Variants in MARCHF8 observed in about 807,000 individuals in gnomAD.
MARCHF8 encodes membrane associated ring-CH-type finger 8.
In MARCHF8, 40 loss-of-function variants were observed where a neutral mutation model predicts 51.6. The observed-to-expected ratio is 0.77, with a 90% CI of 0.60 to 1.01. MARCHF8 has a LOEUF of 1.01. MARCHF8 is among the 50% of genes least tolerant of loss of function. The pLI is 0.00. For missense variants in MARCHF8, 685 were observed against 708.6 expected (o/e 0.97, Z 0.38); for synonymous variants, 263 against 280.3 (o/e 0.94, Z 0.62).
At chr10:45,472,537 G>T (rs1387134524) in intron 3 of MARCHF8, among the ~76,000 whole-genome samples, 1 of 152,152 alleles carries the variant, frequency 6.6e-6, no homozygotes, top group African/African-American at 2.4e-5. Flanking sequence ...TGCTATATTA[G>T]AACATCTTAA....
chr10:45,503,153 A>AGACT (rs2043311805), intron 2 of MARCHF8, among the ~76,000 whole-genome samples: 1 of 152,246 alleles, frequency 6.6e-6, no homozygotes, highest in Admixed American at 6.5e-5. Context: ...AGAGATAGTC[A>AGACT]AACTCCAAAT....
chr10:45,564,345 A>G (rs2044341887), intron 1 of MARCHF8, among the ~76,000 whole-genome samples: 2 of 151,142 alleles, frequency 1.3e-5, no homozygotes, highest in South Asian at 4.2e-4. Context: ...GAAAATTAAA[A>G]CAAAAAATGC....
intron 1 of MARCHF8, among the ~76,000 whole-genome samples, chr10:45,583,421 A>G (rs1287369404): frequency 6.6e-6 from 1 of 152,200 alleles, no homozygotes; most frequent in Middle Eastern, 3.2e-3. Flanking sequence ...GAGAATGATC[A>G]CTGTGACACC....
rs76095687 is a variant in MARCHF8 at position 45,534,579 on chromosome 10, G to A, written c.-79+632C>T. On this transcript the variant is annotated intron_variant, in intron 1 of 7. Coordinates refer to ENST00000453424, the MANE Select transcript of MARCHF8 (RefSeq NM_001282866.2). ...CAATTAAACGTAAATTATCCAGAAGGTTTAATGTAGTAAAATGTTTCATGT... is the reference window on the plus strand; with the variant it reads ...CAATTAAACGTAAATTATCCAGAAGATTTAATGTAGTAAAATGTTTCATGT... Among the ~76,000 whole-genome samples the A allele has an allele frequency of 3.8e-3, 576 of 152,252 alleles. 3 individuals carry two copies. The highest frequency in any genetic ancestry group is 0.013 in the African/African-American group (553 of 41,554).
chr10:45,566,747 T>C (rs908836451), intron 1 of MARCHF8, among the ~76,000 whole-genome samples: 106 of 146,672 alleles, frequency 7.2e-4, no homozygotes, highest in African/African-American at 2.4e-3. Flanking sequence ...TGCAGGTATC[T>C]CTTTGATATA....
intron 1 of MARCHF8, among the ~76,000 whole-genome samples, chr10:45,564,761 C>T (rs2044346349): frequency 6.7e-6 from 1 of 149,956 alleles, no homozygotes; most frequent in Admixed American, 6.6e-5. Context: ...ACAACGACGA[C>T]AATAACAGTA....
intron 2 of MARCHF8, among the ~76,000 whole-genome samples, chr10:45,498,866 T>C (rs1028111093): frequency 6.6e-6 from 1 of 152,246 alleles, no homozygotes; most frequent in Non-Finnish European, 1.5e-5. Context: ...TGGACACTTG[T>C]ATTGCTTCCA....
At chr10:45,558,719 T>C (rs1313744816) in intron 1 of MARCHF8, among the ~76,000 whole-genome samples, 1 of 152,208 alleles carries the variant, frequency 6.6e-6, no homozygotes, top group African/African-American at 2.4e-5. Flanking sequence ...AACATACATA[T>C]GTGTATGTAT....
intron 1 of MARCHF8, among the ~76,000 whole-genome samples, chr10:45,554,514 T>C (rs953584787): frequency 5.3e-5 from 8 of 152,210 alleles, no homozygotes; most frequent in African/African-American, 1.9e-4. Context: ...TGGCTGTTAA[T>C]GTACAAGATG....
rs543940156 is a variant in MARCHF8 at position 45,546,099 on chromosome 10, A to G, written c.-78-12810T>C. Among the ~76,000 whole-genome samples, 47 of 152,314 alleles carry G rather than the reference A, an allele frequency of 3.1e-4. No homozygotes were observed. The South Asian group carries it at 7.2e-3, about 23-fold the overall frequency. On this transcript the variant is annotated intron_variant, in intron 1 of 6. Transcript: ENST00000319836. ...GCCTGTTAAAACTATTAGCTTTAAA[A>G]ACAGCGAGTTCATTTTAAAATATAA...
Position 45,477,622 on chromosome 10 carries a change from G to A in MARCHF8, c.153+11745C>T, listed in dbSNP as rs73285371. Among the ~76,000 whole-genome samples, 1,261 of 152,190 alleles carry A rather than the reference G, an allele frequency of 8.3e-3. 13 individuals are homozygous for A. Among genetic ancestry groups the A allele is most frequent in the African/African-American group, 0.029 (1,208 of 41,532 alleles). On this transcript the variant is annotated intron_variant, in intron 3 of 7. Transcript: ENST00000453424. The stretch of plus-strand genomic sequence containing the variant: ...ACTTTCCACTGGAAAGACAGAGACT[G>A]GCTGAATGGATTTAAAAAAACATTA...
intron 1 of MARCHF8, among the ~76,000 whole-genome samples, chr10:45,560,614 G>GTCCCCTAGCCCGC (rs144025206): frequency 0.025 from 3,733 of 152,222 alleles, 156 homozygotes; most frequent in African/African-American, 0.084. Context: ...GAGCAGCCCG[G>GTCCCCTAGCCCGC]TCCCCTAGCC....
chr10:45,458,583 A>T, intron 7 of MARCHF8, 40 bp from the exon 8 acceptor site: 1 of 1,523,096 alleles, frequency 6.6e-7, no homozygotes, highest in Non-Finnish European at 8.8e-7. Context: ...TTTATTTAAG[A>T]TATGAAGTAA....
Position 45,459,106 on chromosome 10 carries a change from G to C in MARCHF8, c.1417+14C>G, listed in dbSNP as rs756702968. The C allele has an allele frequency of 6.2e-7, 1 of 1,613,692 alleles. No individual in the cohort carries two copies. Among genetic ancestry groups the C allele is most frequent in the African/African-American group, 1.3e-5 (1 of 74,860 alleles). The stretch of plus-strand genomic sequence containing the variant: ...CGGCCCCCATGCTGAGCTTGCTCCA[G>C]CCTGAGAACTCACCTGTTGCCTGCC... On this transcript the variant is annotated intron_variant, in intron 7 of 7. Transcript: ENST00000453424.
At chr10:45,536,310 T>C (rs1232738773), upstream of MARCHF8, among the ~76,000 whole-genome samples, 1 of 152,136 alleles carries the variant, frequency 6.6e-6, no homozygotes, top group African/African-American at 2.4e-5. Flanking sequence ...GAAAGAGTAC[T>C]GTTTTCAACA....
rs1405817795 is a variant in MARCHF8 at position 45,464,006 on chromosome 10, G to T, written c.243-10C>A. The T allele has an allele frequency of 6.6e-7, 1 of 1,523,102 alleles. No homozygotes were observed. The highest frequency in any genetic ancestry group is 1.4e-5 in the African/African-American group (1 of 72,290). The allele number at this position is 1,523,102 out of a possible 1,614,324, so 94.3% of individuals were successfully genotyped here. On this transcript the variant is annotated splice_polypyrimidine_tract_variant and intron_variant, in intron 4 of 7. Transcript: ENST00000453424. ...AAACACTGCACTGGAACTGCATGCA[G>T]AACAGTGGGATAAAAGCACAGAAAG...
intron 1 of MARCHF8, among the ~76,000 whole-genome samples, chr10:45,586,241 T>C (rs2044617268): frequency 6.6e-6 from 1 of 152,110 alleles, no homozygotes; most frequent in Admixed American, 6.5e-5. Context: ...ACCTATAACC[T>C]CAGGCAACCA....
intron 2 of MARCHF8, among the ~76,000 whole-genome samples, chr10:45,505,104 C>T (rs1274182204): frequency 1.3e-5 from 2 of 152,214 alleles, no homozygotes; most frequent in Non-Finnish European, 2.9e-5. Context: ...TCCAGCTACT[C>T]CTGAATAAGA....
In MARCHF8 at chr10:45,557,878, GA is replaced by G. The variant is rs1168768197; in HGVS notation, c.-78-24590del. ...AGGTGCCTTAGGTCAGGTACCTGGG[GA>G]AGCACTATGCAAGTCTCATTCAACA... On this transcript the variant is annotated intron_variant, in intron 1 of 6. Transcript: ENST00000319836. Among the ~76,000 whole-genome samples, 6 of 152,146 alleles carry G rather than the reference GA, an allele frequency of 3.9e-5. No homozygotes were observed. The East Asian group carries it at 9.6e-4, about 24-fold the overall frequency.
Sources: gnomAD v4.1 joint callset for allele counts (sites outside exome capture counted in the v4.1 genomes callset) on GRCh38, gnomAD v4.1.1 for gene constraint, MANE v1.5 for transcripts, NCBI Gene and HGNC (gene_info 2026-07-23, HGNC 2026-07-21) for gene names.